Variants in PRDM4 observed in about 807,000 individuals in gnomAD.
The protein encoded by PRDM4 is PR/SET domain 4.
A neutral mutation model predicts 62.3 loss-of-function variants in PRDM4; 38 were observed. That is an observed-to-expected ratio of 0.61 (90% confidence interval 0.47 to 0.80). PRDM4 has a LOEUF of 0.80. PRDM4 is among the 30% of genes least tolerant of loss of function. The pLI is 0.00. For synonymous variants in PRDM4, 339 were observed against 348.2 expected (o/e 0.97, Z 0.30); for missense variants, 858 against 997.1 (o/e 0.86, Z 1.88).
chr12:107,745,899 G>A (rs1314064159), intron 6 of PRDM4, among the ~76,000 whole-genome samples: 4 of 152,128 alleles, frequency 2.6e-5, no homozygotes. Flanking sequence ...ACAAACATTT[G>A]ATCTAAAGTT....
chr12:107,749,329 T>C (rs1213820956), intron 5 of PRDM4, among the ~76,000 whole-genome samples: 7 of 151,554 alleles, frequency 4.6e-5, no homozygotes, highest in Non-Finnish European at 1.0e-4. Flanking sequence ...CCTCCCAAAA[T>C]AATAAAAATC....
chr12:107,756,334 T>C (rs766660144), intron 3 of PRDM4, among the ~76,000 whole-genome samples: 61 of 152,344 alleles, frequency 4.0e-4, no homozygotes, highest in Non-Finnish European at 8.1e-4. Flanking sequence ...AGGCGTTCCA[T>C]GTAAAAGCCC....
chr12:107,757,957 A>G (rs145769212), intron 2 of PRDM4, among the ~76,000 whole-genome samples: 99 of 152,348 alleles, frequency 6.5e-4, no homozygotes, highest in South Asian at 2.7e-3. Context: ...CCACTAGGCT[A>G]GCCAACAGGT....
chr12:107,743,146 T>A (rs1890575189), intron 8 of PRDM4, 51 bp downstream of exon 8: 1 of 1,420,180 alleles, frequency 7.0e-7, no homozygotes, highest in African/African-American at 1.4e-5. Context: ...AGCTTCCTAT[T>A]GAAAAACATC....
chr12:107,734,550 G>A, intron 11 of PRDM4, 28 bp from the exon 12 acceptor site: 3 of 1,581,792 alleles, frequency 1.9e-6, no homozygotes, highest in Non-Finnish European at 2.6e-6. Context: ...AAAAACATTT[G>A]ATTTGGGGTT....
chr12:107,759,439 T>G (rs1891160734), intron 2 of PRDM4, among the ~76,000 whole-genome samples: 1 of 152,218 alleles, frequency 6.6e-6, no homozygotes, highest in African/African-American at 2.4e-5. Context: ...GTTACAATAT[T>G]TTTTTAAAAG....
At chr12:107,754,352 T>C (rs892726681) in intron 3 of PRDM4, among the ~76,000 whole-genome samples, 2 of 152,196 alleles carry the variant, frequency 1.3e-5, no homozygotes, top group African/African-American at 2.4e-5. Flanking sequence ...ATTGTCTGTA[T>C]TGCGCTTAAA....
At chr12:107,735,807 C>T (rs963939579) in intron 11 of PRDM4, among the ~76,000 whole-genome samples, 5 of 150,518 alleles carry the variant, frequency 3.3e-5, no homozygotes, top group Non-Finnish European at 7.4e-5. Context: ...TTATGAAAGC[C>T]CAATATGAAA....
rs375196213 is a variant in PRDM4 at position 107,760,500 on chromosome 12, C to T, written c.11+5G>A. ...ACCAGTGCTGAAGCCCACCTCCCTA[C>T]TCACCTGTGATGCATCGGCTTGGGG... On this transcript the variant is annotated splice_donor_5th_base_variant and intron_variant, in intron 2 of 11. Coordinates refer to ENST00000228437, the MANE Select transcript of PRDM4 (RefSeq NM_012406.4). The T allele has an allele frequency of 2.4e-4, 392 of 1,613,482 alleles. 2 individuals carry two copies. The highest frequency in any genetic ancestry group is 3.2e-4 in the Non-Finnish European group (383 of 1,179,776).
intron 7 of PRDM4, among the ~76,000 whole-genome samples, chr12:107,743,536 C>T (rs919984747): frequency 1.3e-5 from 2 of 152,180 alleles, no homozygotes; most frequent in Non-Finnish European, 2.9e-5. Context: ...ATTATTCAAC[C>T]TTTGCCTGGA....
intron 5 of PRDM4, among the ~76,000 whole-genome samples, chr12:107,749,516 G>C (rs974464466): frequency 1.3e-4 from 20 of 151,196 alleles, no homozygotes; most frequent in African/African-American, 4.9e-4. Flanking sequence ...TTACAGGTGT[G>C]AGCCAACACA....
intron 5 of PRDM4, 24 bp downstream of exon 5, chr12:107,751,391 A>G (rs745528378): frequency 6.4e-6 from 10 of 1,574,640 alleles, no homozygotes; most frequent in Non-Finnish European, 8.7e-6. Flanking sequence ...ATATTTCCAA[A>G]AAAGAAAGGC....
intron 7 of PRDM4, among the ~76,000 whole-genome samples, chr12:107,744,067 T>C (rs1194097595): frequency 7.9e-5 from 12 of 151,814 alleles, no homozygotes; most frequent in East Asian, 7.7e-4. Flanking sequence ...TAAGCTAAGA[T>C]TGTACCATTA....
At chr12:107,739,261 C>T in intron 11 of PRDM4, 122 bp downstream of exon 11, 3 of 1,123,014 alleles carry the variant, frequency 2.7e-6, no homozygotes, top group Non-Finnish European at 3.7e-6. Flanking sequence ...AGGCATCTAC[C>T]ATGGTACCAA....
intron 5 of PRDM4, among the ~76,000 whole-genome samples, chr12:107,750,957 G>A (rs1890872230): frequency 6.6e-6 from 1 of 152,140 alleles, no homozygotes. Context: ...ATTCACAGGT[G>A]TGATCGCAGC....
rs573527443 is a variant in PRDM4, at chr12:107,760,557, T to C, written c.-42A>G. 4 of 1,611,332 alleles carry C rather than the reference T, an allele frequency of 2.5e-6. No homozygotes were observed. Among genetic ancestry groups the C allele is most frequent in the East Asian group, 2.2e-5 (1 of 44,648 alleles). The stretch of plus-strand genomic sequence containing the variant: ...ATCAGAGAAAGGAGCGCTCGGGTGG[T>C]GGGGAACAGGCATCAGGGTTTGCGT... On this transcript the variant is annotated 5_prime_UTR_variant, in exon 2 of 12. Coordinates refer to ENST00000228437, the MANE Select transcript of PRDM4 (RefSeq NM_012406.4).
At chr12:107,746,829 G>A (rs1306622945) in intron 5 of PRDM4, among the ~76,000 whole-genome samples, 4 of 152,134 alleles carry the variant, frequency 2.6e-5, no homozygotes, top group Non-Finnish European at 5.9e-5. Context: ...TATCCAGTAA[G>A]AAGCACGGTT....
At chr12:107,754,468 G>A (rs1363826958) in intron 3 of PRDM4, among the ~76,000 whole-genome samples, 2 of 151,898 alleles carry the variant, frequency 1.3e-5, no homozygotes, top group Admixed American at 6.6e-5. Context: ...CTGCAATCTC[G>A]GCCTCCTGGG....
Position 107,741,113 on chromosome 12 carries a change from T to A in PRDM4, c.1757A>T (p.Lys586Ile). 6.2e-7 allele frequency: 1 copy of A among 1,614,140 alleles called. No individual in the cohort carries two copies. The highest frequency in any genetic ancestry group is 1.1e-5 in the South Asian group (1 of 91,074). Reference protein sequence around the residue: ...HSGSHGPSHSKERKWKCSMCP... With the variant: ...HSGSHGPSHSIERKWKCSMCP... ...CATTGAGCACTTCCACTTCCTTTCT[T>A]TGCTGTGACTTGGCCCATGGCTGCC... Residue 586 changes from lysine to isoleucine, a missense_variant, in exon 10 of 12, where the codon AAA (lysine) becomes ATA (isoleucine). Around this residue, in one of 3 missense-constraint regions of PRDM4, gnomAD observed 355 missense variants for 432.6 expected, o/e 0.82. Transcript: ENST00000228437.
Sources: gnomAD v4.1 joint callset for allele counts (sites outside exome capture counted in the v4.1 genomes callset) on GRCh38, gnomAD v4.1.1 for gene constraint, gnomAD v4.1.1 regional missense constraint, MANE v1.5 for transcripts, NCBI Gene and HGNC (gene_info 2026-07-23, HGNC 2026-07-21) for gene names.